The following TRIM27 variants were observed in gnomAD, a reference collection of about 807,000 sequenced individuals.
TRIM27 encodes zinc finger protein RFP.
In TRIM27, 12 loss-of-function variants were observed where a neutral mutation model predicts 57.6. That is an observed-to-expected ratio of 0.21 (90% CI 0.13 to 0.34). The LOEUF is 0.34. Among genes scored for constraint, TRIM27 ranks in the 10% least tolerant of loss-of-function variants. The probability of loss-of-function intolerance (pLI) is 1.00; values close to 1 mark genes in which losing one functional copy is unlikely to be tolerated. For synonymous variants in TRIM27, 266 were observed against 259.0 expected, an observed-to-expected ratio of 1.03 and a Z score of -0.26; for missense variants, 403 against 656.8, an observed-to-expected ratio of 0.61 and a Z score of 4.22.
intron 1 of TRIM27, among the ~76,000 whole-genome samples, chr6:28,922,306 G>C (rs1774108484): frequency 6.6e-6 from 1 of 152,214 alleles, no homozygotes; most frequent in Non-Finnish European, 1.5e-5. Context: ...ACTGTGACTG[G>C]AGTAGGAGGC....
intron 3 of TRIM27, among the ~76,000 whole-genome samples, chr6:28,915,991 A>G (rs578245463): frequency 6.6e-6 from 1 of 152,174 alleles, no homozygotes; most frequent in Non-Finnish European, 1.5e-5. Flanking sequence ...ATCTCGGCTC[A>G]CTACAACCTC....
chr6:28,907,333 T>C, intron 6 of TRIM27, 71 bp from the exon 7 acceptor site: 4 of 1,493,720 alleles, frequency 2.7e-6, no homozygotes, highest in Non-Finnish European at 3.7e-6. Flanking sequence ...AAGGGGGCTT[T>C]GGTTAGTCAT....
rs952852957 is a variant in TRIM27 at position 28,904,713 on chromosome 6, T to C, written c.947-48A>G. ...GTCAGCCGTGGGCCAGGAGAGCCTA[T>C]TTTAGAACACCCAGCGCCTTTCTAC... On this transcript the variant is annotated intron_variant, in intron 7 of 7. Coordinates refer to ENST00000377199, the MANE Select transcript of TRIM27 (RefSeq NM_006510.5). The surrounding 1 kb of genome is among the most constrained non-coding windows in gnomAD (Gnocchi z 6.1). 4.8e-6 allele frequency: 7 copies of C among 1,466,924 alleles called. No individual in the cohort carries two copies. Among genetic ancestry groups the C allele is most frequent in the Non-Finnish European group, 5.5e-6 (6 of 1,086,590 alleles). The allele number at this position is 1,466,924 out of a possible 1,614,324, so 90.9% of individuals were successfully genotyped here.
At chr6:28,913,597 G>A (rs184656231) in intron 3 of TRIM27, among the ~76,000 whole-genome samples, 23 of 152,124 alleles carry the variant, frequency 1.5e-4, no homozygotes, top group South Asian at 1.0e-3. Context: ...CCGACACTTC[G>A]TCAAAAGTGT....
At position 28,923,752 on chromosome 6, in the gene TRIM27, G is replaced by A. The variant is rs1173608390; in HGVS notation, c.-120C>T. 2.6e-6 allele frequency: 3 copies of A among 1,152,742 alleles called. No homozygotes were observed. Among genetic ancestry groups the A allele is most frequent in the Non-Finnish European group, 3.5e-6 (3 of 845,846 alleles). 71.4% of individuals were successfully genotyped at this position (1,152,742 alleles called of 1,614,324 possible). A position where few individuals can be genotyped will look rare whatever the true frequency, so the allele number is the denominator to read the frequency against. On this transcript the variant is annotated 5_prime_UTR_variant, in exon 1 of 8. Transcript: ENST00000377199. ...GAGAGGCACCGGGCGGACGGAGGGC[G>A]GCGCCTCCCGGGCCCGTATCCCAGA...
chr6:28,909,478 GT>G (rs1683910129), intron 4 of TRIM27, among the ~76,000 whole-genome samples: 2 of 152,168 alleles, frequency 1.3e-5, no homozygotes, highest in African/African-American at 4.8e-5. Flanking sequence ...ACTGTCTAGC[GT>G]ACACGGACAG....
chr6:28,907,340 T>C (rs1408088589), intron 6 of TRIM27, 78 bp from the exon 7 acceptor site: 1 of 1,449,210 alleles, frequency 6.9e-7, no homozygotes, highest in Non-Finnish European at 9.6e-7. Flanking sequence ...CTTTGGTTAG[T>C]CATCATAAAG....
chr6:28,910,415 C>T (rs111589498), intron 4 of TRIM27, among the ~76,000 whole-genome samples: 1,545 of 152,204 alleles, frequency 0.01, 11 homozygotes, highest in Non-Finnish European at 0.016. Flanking sequence ...CTGCAACCTC[C>T]GCCACAAGAG....
chr6:28,909,022 A>T lies in TRIM27; in HGVS notation c.837T>A (p.Ile279=), dbSNP rs1772980459. The T allele has an allele frequency of 6.2e-7, 1 of 1,614,114 alleles. No individual in the cohort carries two copies. The highest frequency in any genetic ancestry group is 1.3e-5 in the African/African-American group (1 of 75,024). The change falls in exon 5 of 8, where the codon ATT becomes ATA. Residue 279 remains isoleucine (I), a synonymous_variant. Transcript: ENST00000377199. ...TCAAGAATAGACATTTTTGGGCAAA[A>T]ATGTGGATTTTCTCTTGCAAATCTG... ...TPPDLQEKIH[I]FAQKCLFLTE... is the part of the protein sequence containing the mutation.
intron 1 of TRIM27, among the ~76,000 whole-genome samples, chr6:28,922,817 A>T (rs975116839): frequency 6.6e-6 from 1 of 152,220 alleles, no homozygotes; most frequent in Non-Finnish European, 1.5e-5. Flanking sequence ...CTTATAGACT[A>T]AGGAATGGGC....
intron 3 of TRIM27, among the ~76,000 whole-genome samples, chr6:28,912,816 C>T (rs1248496563): frequency 6.6e-6 from 1 of 152,100 alleles, no homozygotes; most frequent in Non-Finnish European, 1.5e-5. Context: ...ACGTAACAGA[C>T]ATATATATTT....
intron 7 of TRIM27, chr6:28,905,890 G>T (rs140691333): frequency 1.3e-5 from 2 of 152,306 alleles, no homozygotes; most frequent in African/African-American, 4.8e-5. Flanking sequence ...TAGTATTACA[G>T]CATCTTGCTA....
At chr6:28,912,293 A>G (rs1773264743) in intron 3 of TRIM27, among the ~76,000 whole-genome samples, 1 of 152,060 alleles carries the variant, frequency 6.6e-6, no homozygotes, top group South Asian at 2.1e-4. Context: ...TGTTTTTAGC[A>G]CAGACAGCAT....
chr6:28,916,008 C>G (rs1773571731), intron 3 of TRIM27, among the ~76,000 whole-genome samples: 1 of 152,002 alleles, frequency 6.6e-6, no homozygotes, highest in African/African-American at 2.4e-5. Context: ...CCTCTGCCTC[C>G]CAGGTTCAAG....
intron 5 of TRIM27, 21 bp from the exon 6 acceptor site, chr6:28,908,861 A>T (rs1158191820): frequency 1.2e-6 from 2 of 1,613,472 alleles, no homozygotes; most frequent in African/African-American, 1.3e-5. Flanking sequence ...AAAACAAGAA[A>T]ATATTCAGTC....
chr6:28,909,125 T>C (rs1280663135), intron 4 of TRIM27, 37 bp from the exon 5 acceptor site: 3 of 1,478,312 alleles, frequency 2.0e-6, no homozygotes, highest in South Asian at 2.4e-5. Flanking sequence ...TTTTTTTTTT[T>C]TGAGATGGAG....
At position 28,923,737 on chromosome 6, in the gene TRIM27, G is replaced by T. The variant is rs1325498261; in HGVS notation, c.-105C>A. On this transcript the variant is annotated 5_prime_UTR_variant, in exon 1 of 8. Coordinates refer to ENST00000377199, the MANE Select transcript of TRIM27 (RefSeq NM_006510.5). ...CGGTTCGCTGTTCCTGAGAGGCACC[G>T]GGCGGACGGAGGGCGGCGCCTCCCG... The T allele has an allele frequency of 2.3e-6, 3 of 1,290,408 alleles. No individual in the cohort carries two copies. The highest frequency in any genetic ancestry group is 1.6e-5 in the South Asian group (1 of 63,858). The allele number at this position is 1,290,408 out of a possible 1,614,324, so 79.9% of individuals were successfully genotyped here.
In TRIM27 at chr6:28,919,995, G is replaced by GTGCT. The variant is rs1562177999; in HGVS notation, c.747+16_747+17insAGCA. On this transcript the variant is annotated intron_variant, in intron 3 of 7. Coordinates refer to ENST00000377199, the MANE Select transcript of TRIM27 (RefSeq NM_006510.5). ...TTTTCAGTGGGTGCTGCTCTAGCAG[G>GTGCT]GCTCTGCAAGCCTTACCTGCAGGAG... 7 of 1,605,546 alleles carry GTGCT rather than the reference G, an allele frequency of 4.4e-6. No individual in the cohort carries two copies. The South Asian group carries it at 5.5e-5, about 13-fold the overall frequency.
intron 3 of TRIM27, among the ~76,000 whole-genome samples, chr6:28,912,014 C>G (rs1312077762): frequency 6.6e-6 from 1 of 152,134 alleles, no homozygotes; most frequent in Non-Finnish European, 1.5e-5. Flanking sequence ...GATTGGACCT[C>G]AAGCTTGCCT....
Sources: allele counts gnomAD v4.1 joint callset (sites outside exome capture counted in the v4.1 genomes callset), GRCh38; gene constraint gnomAD v4.1.1; non-coding constraint Gnocchi (gnomAD v3.1); transcripts MANE v1.5; gene names NCBI Gene and HGNC (gene_info 2026-07-23, HGNC 2026-07-21).